Variants in SEMA6A observed in about 807,000 individuals in gnomAD.
The protein encoded by SEMA6A is semaphorin-6A.
In SEMA6A, 25 loss-of-function variants were observed where a neutral mutation model predicts 96.8. That is an observed-to-expected ratio of 0.26 (90% CI 0.19 to 0.36). SEMA6A has a LOEUF of 0.36. Ranked by LOEUF, SEMA6A falls within the 10% of genes least tolerant of loss-of-function variation. The pLI is 1.00. For synonymous variants in SEMA6A, 612 were observed against 518.0 expected, an observed-to-expected ratio of 1.18 and a Z score of -2.46; for missense variants, 1,363 against 1,323.1, an observed-to-expected ratio of 1.03 and a Z score of -0.47.
intron 1 of SEMA6A, among the ~76,000 whole-genome samples, chr5:116,546,274 G>T (rs1760181542): frequency 6.6e-6 from 1 of 152,192 alleles, no homozygotes; most frequent in Admixed American, 6.5e-5. Context: ...GCTTGTAAAG[G>T]TCCATGTAAT....
chr5:116,521,875 A>G (rs1257297658), intron 1 of SEMA6A, among the ~76,000 whole-genome samples: 2 of 152,118 alleles, frequency 1.3e-5, no homozygotes, highest in Non-Finnish European at 2.9e-5. Context: ...GTTGTTATAC[A>G]CCAGAAAAAA....
chr5:116,514,682 C>T (rs573477099), intron 1 of SEMA6A, among the ~76,000 whole-genome samples: 1 of 152,308 alleles, frequency 6.6e-6, no homozygotes, highest in African/African-American at 2.4e-5. Context: ...CTTTCCCTGC[C>T]TTATGCTACT....
intron 1 of SEMA6A, among the ~76,000 whole-genome samples, chr5:116,546,527 C>G (rs1315986575): frequency 6.6e-6 from 1 of 152,182 alleles, no homozygotes; most frequent in Admixed American, 6.5e-5. Flanking sequence ...TGTTAAAATG[C>G]AGATTCATAT....
intron 16 of SEMA6A, among the ~76,000 whole-genome samples, chr5:116,474,283 C>CACACAA (rs978043860): frequency 6.9e-6 from 1 of 144,570 alleles, no homozygotes; most frequent in African/African-American, 2.8e-5. Flanking sequence ...CGCATGCACA[C>CACACAA]ACACACACAC....
chr5:116,479,738 A>C (rs1290581816), intron 12 of SEMA6A, among the ~76,000 whole-genome samples: 1 of 152,206 alleles, frequency 6.6e-6, no homozygotes, highest in African/African-American at 2.4e-5. Flanking sequence ...ACAATCCATG[A>C]GCCATGCTCA....
chr5:116,533,751 C>G (rs1169444058), intron 1 of SEMA6A, among the ~76,000 whole-genome samples: 1 of 152,162 alleles, frequency 6.6e-6, no homozygotes, highest in African/African-American at 2.4e-5. Flanking sequence ...TAAGCAGAAG[C>G]CTGGATCTTT....
chr5:116,471,890 C>G (rs1756167168), intron 17 of SEMA6A, among the ~76,000 whole-genome samples: 1 of 152,126 alleles, frequency 6.6e-6, no homozygotes. Flanking sequence ...GCTTTCTTTT[C>G]CTTCCCCTTT....
At position 116,488,916 on chromosome 5, in the gene SEMA6A, G is replaced by C. The variant is rs745334541; in HGVS notation, c.627C>G (p.Thr209=). The part of the protein sequence containing the change: ...RSLGESPTLR[T]VKHDSKWLKE... Reference sequence around the variant, plus strand: ...TCAACCATTTTGAATCGTGCTTGACGGTCCGCAGGGTAGGGCTTTCTCCAA... The same window carrying C: ...TCAACCATTTTGAATCGTGCTTGACCGTCCGCAGGGTAGGGCTTTCTCCAA... Residue 209 remains threonine, a synonymous_variant, in exon 8 of 19, where the codon ACC becomes ACG. Coordinates refer to ENST00000343348, the MANE Select transcript of SEMA6A (RefSeq NM_020796.5). 6.3e-7 allele frequency: 1 copy of C among 1,585,698 alleles called. No individual in the cohort carries two copies. Among genetic ancestry groups the C allele is most frequent in the Non-Finnish European group, 8.6e-7 (1 of 1,164,792 alleles).
At chr5:116,486,081 C>A (rs925872016) in intron 10 of SEMA6A, among the ~76,000 whole-genome samples, 5 of 152,174 alleles carry the variant, frequency 3.3e-5, no homozygotes, top group African/African-American at 1.2e-4. Context: ...TTTATAAATT[C>A]TCACTAGAGC....
chr5:116,532,451 T>G (rs1759526209), intron 1 of SEMA6A, among the ~76,000 whole-genome samples: 2 of 152,184 alleles, frequency 1.3e-5, no homozygotes, highest in South Asian at 4.1e-4. Flanking sequence ...TAACTCCATG[T>G]TTACTGCTAG....
chr5:116,572,197 AAAG>A (rs1240501110), intron 1 of SEMA6A, among the ~76,000 whole-genome samples: 1 of 152,240 alleles, frequency 6.6e-6, no homozygotes, highest in African/African-American at 2.4e-5. Flanking sequence ...GATCTGAGGT[AAAG>A]AAAGTTGTGC....
rs1244873776 is a variant in SEMA6A, at chr5:116,505,457, GCGCACACACA to G, written c.-38-485_-38-476del. Among the ~76,000 whole-genome samples, 16 of 143,790 alleles carry G rather than the reference GCGCACACACA, an allele frequency of 1.1e-4. No individual in the cohort carries two copies. In the South Asian group the frequency reaches 2.2e-3, roughly 20 times the overall value. 94.3% of individuals were successfully genotyped at this position (143,790 alleles called of 152,430 possible). ...CACACAGGTACACAGACACACGCAC[GCGCACACACA>G]CACACACACACACACACATCTATAA... On this transcript the variant is annotated intron_variant, in intron 1 of 18. Coordinates refer to ENST00000343348, the MANE Select transcript of SEMA6A (RefSeq NM_020796.5).
chr5:116,538,393 G>T (rs1040481877), intron 1 of SEMA6A, among the ~76,000 whole-genome samples: 1 of 152,088 alleles, frequency 6.6e-6, no homozygotes, highest in African/African-American at 2.4e-5. Context: ...TTTATGAGCA[G>T]TGGGTGTCCT....
At chr5:116,526,753 T>C (rs1561517851) in intron 1 of SEMA6A, among the ~76,000 whole-genome samples, 1 of 152,154 alleles carries the variant, frequency 6.6e-6, no homozygotes. Flanking sequence ...AGCTCAAAAC[T>C]CCTGTTCTAT....
chr5:116,447,055 C>A lies in SEMA6A; in HGVS notation c.2651G>T (p.Arg884Leu), dbSNP rs754494225. 1 of 1,613,786 alleles carries A rather than the reference C, an allele frequency of 6.2e-7. No individual in the cohort carries two copies. The highest frequency in any genetic ancestry group is 8.5e-7 in the Non-Finnish European group (1 of 1,179,852). ...TCCCGGGGGACCCAGGGAGGCCTCC[C>A]GCTGTGGAACTTTGGGGGGCAGGCT... Reference protein sequence around the residue: ...LDSLPPKVPQREASLGPPGAS... With the variant: ...LDSLPPKVPQLEASLGPPGAS... The change falls in exon 19 of 19, where the codon CGG (arginine) becomes CTG (leucine). Residue 884 changes from arginine to leucine, a missense_variant. By Grantham distance (102) the Arg-to-Leu change is moderately radical. This residue lies in a region of SEMA6A where 883 missense variants were observed against 763.6 expected (regional missense o/e 1.16). Coordinates refer to ENST00000343348, the MANE Select transcript of SEMA6A (RefSeq NM_020796.5).
chr5:116,495,277 G>A lies in SEMA6A; in HGVS notation c.444+136C>T, dbSNP rs1457236795. 5.8e-6 allele frequency: 4 copies of A among 692,946 alleles called. No individual in the cohort carries two copies. The East Asian group carries it at 8.2e-5, about 14-fold the overall frequency. The allele number at this position is 692,946 out of a possible 1,614,324, so 42.9% of individuals were successfully genotyped here. A position where few individuals can be genotyped will look rare whatever the true frequency, so the allele number is the denominator to read the frequency against. On this transcript the variant is annotated intron_variant, in intron 6 of 18. Coordinates refer to ENST00000343348, the MANE Select transcript of SEMA6A (RefSeq NM_020796.5). ...GCCTGCTTAGGATCACTCATGTGGA[G>A]CAATACATTAAGTTGAACAAGTGAG...
intron 1 of SEMA6A, among the ~76,000 whole-genome samples, chr5:116,529,688 G>A (rs1036910526): frequency 6.6e-6 from 1 of 152,128 alleles, no homozygotes; most frequent in Non-Finnish European, 1.5e-5. Context: ...GAAAGAAAGA[G>A]TTGTTTTATG....
chr5:116,508,808 T>C (rs933582860), intron 1 of SEMA6A, among the ~76,000 whole-genome samples: 6 of 152,118 alleles, frequency 3.9e-5, no homozygotes, highest in African/African-American at 1.2e-4. Context: ...CTTCCCACTC[T>C]CTTAGGAGGC....
At chr5:116,554,771 A>C (rs141524636) in intron 1 of SEMA6A, 4 of 144,488 alleles carry the variant, frequency 2.8e-5, no homozygotes, top group African/African-American at 1.0e-4. Flanking sequence ...AAGCCCTGGA[A>C]CCAAAAATCT....
Sources: gnomAD v4.1 joint callset for allele counts (sites outside exome capture counted in the v4.1 genomes callset) on GRCh38, gnomAD v4.1.1 for gene constraint, gnomAD v4.1.1 regional missense constraint, MANE v1.5 for transcripts, NCBI Gene and HGNC (gene_info 2026-07-23, HGNC 2026-07-21) for gene names.